The following MLPH variants were observed in gnomAD, a reference collection of about 807,000 sequenced individuals.
The protein encoded by MLPH is exophilin-3.
A neutral mutation model predicts 72.1 loss-of-function variants in MLPH; 51 were observed. That is an observed-to-expected ratio of 0.71 (90% CI 0.56 to 0.89). The LOEUF is 0.89. Ranked by LOEUF, MLPH falls within the 40% of genes least tolerant of loss-of-function variation. The pLI, the probability that MLPH is intolerant of heterozygous loss-of-function variation, is 0.00. For missense variants in MLPH, 743 were observed against 759.9 expected, an observed-to-expected ratio of 0.98 and a Z score of 0.26; for synonymous variants, 301 against 310.1, an observed-to-expected ratio of 0.97 and a Z score of 0.31.
In MLPH at chr2:237,537,877, G is replaced by A. The variant is rs756597246; in HGVS notation, c.1105-2471G>A. 9.2e-4 allele frequency among the ~76,000 whole-genome samples: 140 copies of A among 152,296 alleles called. 1 individual carries two copies. The highest frequency in any genetic ancestry group is 2.8e-4 in the Non-Finnish European group (19 of 68,008). On this transcript the variant is annotated intron_variant, in intron 9 of 15. Transcript: ENST00000264605. ...CTCCCAGAGGAAGGGACCAAGGACG[G>A]CACTAAAGTTCCCCAGGTGGCATCT...
intron 2 of MLPH, among the ~76,000 whole-genome samples, chr2:237,501,171 C>T (rs1181714148): frequency 6.6e-6 from 1 of 152,160 alleles, no homozygotes; most frequent in East Asian, 1.9e-4. Flanking sequence ...CATCTAAGCC[C>T]CATGAGGGTT....
chr2:237,512,945 C>CAACAGAA lies in MLPH; in HGVS notation c.445+1857_445+1863dup, dbSNP rs1339692444. Among the ~76,000 whole-genome samples the CAACAGAA allele has an allele frequency of 2.6e-5, 4 of 152,146 alleles. 1 individual carries two copies. Among genetic ancestry groups the CAACAGAA allele is most frequent in the African/African-American group, 9.6e-5 (4 of 41,510 alleles). On this transcript the variant is annotated intron_variant, in intron 4 of 15. Coordinates refer to ENST00000264605, the MANE Select transcript of MLPH (RefSeq NM_024101.7). This position sits in a 1 kb window ranked among gnomAD's most constrained non-coding sequence, Gnocchi z 5.5. ...GGGGCCAGGAGGTGGCGCTGTGGGG[C>CAACAGAA]AACAGAAAACAGAAAACAGCTGCTC...
rs1204626235 is a variant in MLPH, at chr2:237,493,394, A to C, written c.-24-9A>C. The stretch of plus-strand genomic sequence containing the variant: ...GGGACTGATGACTTGTGATCCTGTG[A>C]CATTCCAGGTGTGACCCCGACAAGA... On this transcript the variant is annotated splice_polypyrimidine_tract_variant and intron_variant, in intron 1 of 15. Coordinates refer to ENST00000264605, the MANE Select transcript of MLPH (RefSeq NM_024101.7). 1.3e-6 allele frequency: 2 copies of C among 1,553,550 alleles called. No individual in the cohort carries two copies. The highest frequency in any genetic ancestry group is 2.2e-5 in the East Asian group (1 of 44,570).
intron 5 of MLPH, among the ~76,000 whole-genome samples, chr2:237,519,550 C>T (rs929408925): frequency 5.9e-5 from 9 of 152,214 alleles, no homozygotes; most frequent in African/African-American, 1.2e-4. Context: ...CCCGGCTATC[C>T]GAAGCCCCAG....
chr2:237,528,317 A>G (rs1415479954), intron 8 of MLPH, among the ~76,000 whole-genome samples: 2 of 106,120 alleles, frequency 1.9e-5, no homozygotes, highest in East Asian at 4.3e-4. Context: ...TTTAGGAGAA[A>G]ATAAATAATC....
chr2:237,506,158 G>C (rs895016147), intron 2 of MLPH, among the ~76,000 whole-genome samples: 15 of 152,268 alleles, frequency 9.9e-5, no homozygotes, highest in African/African-American at 3.6e-4. Context: ...TTATTCATAT[G>C]GGTCATATCT....
intron 1 of MLPH, among the ~76,000 whole-genome samples, chr2:237,491,004 T>C (rs901218262): frequency 1.3e-5 from 2 of 152,262 alleles, no homozygotes; most frequent in African/African-American, 4.8e-5. Flanking sequence ...AGCCAGGGAC[T>C]ATTTTGGCTG....
In MLPH at chr2:237,505,223, C is replaced by T. The variant is rs182239407; in HGVS notation, c.111-5351C>T. ...GCAGGTCAGCTTGCAGGATGGGGAC[C>T]GCTGGCTGGTATGTGAAGGGTACTG... is the stretch of plus-strand genomic sequence containing the variant. On this transcript the variant is annotated intron_variant, in intron 2 of 15. Coordinates refer to ENST00000264605, the MANE Select transcript of MLPH (RefSeq NM_024101.7). The surrounding 1 kb of genome is among the most constrained non-coding windows in gnomAD (Gnocchi z 4.5). Among the ~76,000 whole-genome samples, 286 of 152,250 alleles carry T rather than the reference C, an allele frequency of 1.9e-3. 4 individuals are homozygous for T. The highest frequency in any genetic ancestry group is 6.2e-3 in the African/African-American group (258 of 41,552).
chr2:237,545,348 C>A, intron 12 of MLPH: 1 of 933,748 alleles, frequency 1.1e-6, no homozygotes, highest in Non-Finnish European at 1.4e-6. Flanking sequence ...GGGCCCCCCA[C>A]CTCCCTTCCC....
chr2:237,522,735 C>A (rs1229576976), intron 6 of MLPH, among the ~76,000 whole-genome samples: 2 of 152,144 alleles, frequency 1.3e-5, no homozygotes, highest in Non-Finnish European at 2.9e-5. Context: ...ATTGAGCTGA[C>A]TTTCCTGCTG....
intron 7 of MLPH, 124 bp from the exon 8 acceptor site, chr2:237,527,253 C>A: frequency 8.1e-7 from 1 of 1,231,480 alleles, no homozygotes; most frequent in Non-Finnish European, 1.2e-6. Context: ...AACCTCAGCC[C>A]TGTAACATGA....
chr2:237,514,587 G>A (rs2079974473), intron 4 of MLPH, among the ~76,000 whole-genome samples: 2 of 152,204 alleles, frequency 1.3e-5, no homozygotes, highest in African/African-American at 2.4e-5. Context: ...GGCAGGAGAA[G>A]GTCAGAGAGA....
chr2:237,510,586 C>A lies in MLPH; in HGVS notation c.123C>A (p.Gly41=). The change falls in exon 3 of 16, where the codon GGC becomes GGA. Residue 41 remains glycine, a synonymous_variant. Transcript: ENST00000264605. This position sits in a 1 kb window ranked among gnomAD's most constrained non-coding sequence, Gnocchi z 4.4. ...KEEERLEALK[G]KIKKESSKRE... ...ATATTTTCCCAAGGGCGTTGAAGGG[C>A]AAGATTAAGAAGGAAAGCTCCAAGA... is the stretch of plus-strand genomic sequence containing the variant. The A allele has an allele frequency of 6.2e-7, 1 of 1,613,252 alleles. No homozygotes were observed. The highest frequency in any genetic ancestry group is 8.5e-7 in the Non-Finnish European group (1 of 1,180,024).
chr2:237,489,670 C>T (rs2079389475), intron 1 of MLPH, among the ~76,000 whole-genome samples: 1 of 152,206 alleles, frequency 6.6e-6, no homozygotes, highest in Admixed American at 6.5e-5. Context: ...GAGAGCATTC[C>T]TGCTGTTGTT....
rs2079923072 is a variant in MLPH at position 237,512,356 on chromosome 2, G to C, written c.445+1255G>C. 6.6e-6 allele frequency among the ~76,000 whole-genome samples: 1 copy of C among 152,354 alleles called. No individual in the cohort carries two copies. The highest frequency in any genetic ancestry group is 1.5e-5 in the Non-Finnish European group (1 of 68,038). ...TTAGCCCATCGTTTAATTTAGGACA[G>C]AGGCCACGGAGAGGCACCGCTGGAG... On this transcript the variant is annotated intron_variant, in intron 4 of 15. Coordinates refer to ENST00000264605, the MANE Select transcript of MLPH (RefSeq NM_024101.7). This position sits in a 1 kb window ranked among gnomAD's most constrained non-coding sequence, Gnocchi z 5.5.
At chr2:237,524,384 C>G (rs1411051036) in intron 6 of MLPH, among the ~76,000 whole-genome samples, 2 of 150,252 alleles carry the variant, frequency 1.3e-5, no homozygotes, top group African/African-American at 5.0e-5. Flanking sequence ...TGTCTTCAAG[C>G]TGAGGAGCAG....
intron 9 of MLPH, among the ~76,000 whole-genome samples, chr2:237,536,814 C>A (rs903660422): frequency 6.6e-6 from 1 of 152,248 alleles, no homozygotes; most frequent in African/African-American, 2.4e-5. Flanking sequence ...TGTAGCCTGC[C>A]CGGCCCTGGC....
chr2:237,517,114 T>C (rs1002576684), intron 4 of MLPH, among the ~76,000 whole-genome samples: 2 of 151,114 alleles, frequency 1.3e-5, no homozygotes, highest in Non-Finnish European at 2.9e-5. Context: ...TTTGAGTGGA[T>C]GGATAAATAG....
chr2:237,533,356 G>C (rs1367101120), intron 8 of MLPH, among the ~76,000 whole-genome samples: 1 of 151,760 alleles, frequency 6.6e-6, no homozygotes, highest in East Asian at 1.9e-4. Flanking sequence ...GAAAGACAAG[G>C]GGGCAGTGGG....
Sources: gnomAD v4.1 joint callset for allele counts (sites outside exome capture counted in the v4.1 genomes callset) on GRCh38, gnomAD v4.1.1 for gene constraint, Gnocchi (gnomAD v3.1) non-coding constraint, MANE v1.5 for transcripts, NCBI Gene and HGNC (gene_info 2026-07-23, HGNC 2026-07-21) for gene names.